Variants in CCDC85A observed in about 807,000 individuals in gnomAD.
CCDC85A encodes the protein coiled-coil domain containing 85A.
In CCDC85A, 38 loss-of-function variants were observed where a neutral mutation model predicts 50.2. The observed-to-expected ratio is 0.76, with a 90% CI of 0.58 to 0.99. CCDC85A has a LOEUF of 0.99. CCDC85A is among the 50% of genes least tolerant of loss of function. The pLI, the probability that CCDC85A is intolerant of heterozygous loss-of-function variation, is 0.00. For synonymous variants in CCDC85A, 366 were observed against 301.4 expected (o/e 1.21, Z -2.22); for missense variants, 820 against 742.0 (o/e 1.11, Z -1.22).
At chr2:56,280,784 C>T (rs1328306944) in intron 2 of CCDC85A, among the ~76,000 whole-genome samples, 2 of 152,180 alleles carry the variant, frequency 1.3e-5, no homozygotes. Flanking sequence ...TTCTCTCTCT[C>T]TCCCTCACAA....
At chr2:56,299,885 A>T (rs949071075) in intron 2 of CCDC85A, among the ~76,000 whole-genome samples, 2 of 152,120 alleles carry the variant, frequency 1.3e-5, no homozygotes, top group African/African-American at 4.8e-5. Context: ...CATGGGGCTG[A>T]AGAGTGAGTT....
At chr2:56,260,035 T>C (rs1329112973) in intron 2 of CCDC85A, among the ~76,000 whole-genome samples, 1 of 152,144 alleles carries the variant, frequency 6.6e-6, no homozygotes, top group African/African-American at 2.4e-5. Flanking sequence ...AAGGTACTCA[T>C]GGTAGTGAGT....
At chr2:56,373,380 A>T (rs1361320352) in intron 4 of CCDC85A, among the ~76,000 whole-genome samples, 1 of 129,694 alleles carries the variant, frequency 7.7e-6, no homozygotes, top group Non-Finnish European at 1.6e-5. Flanking sequence ...CTACTTTCAT[A>T]AAAAAAAAAA....
intron 2 of CCDC85A, among the ~76,000 whole-genome samples, chr2:56,281,031 A>G (rs1171705563): frequency 6.6e-6 from 1 of 152,184 alleles, no homozygotes; most frequent in Non-Finnish European, 1.5e-5. Flanking sequence ...CCACGTAACC[A>G]ATACTTAAAT....
intron 2 of CCDC85A, among the ~76,000 whole-genome samples, chr2:56,337,898 C>T (rs1163223896): frequency 1.3e-5 from 2 of 151,966 alleles, no homozygotes; most frequent in Non-Finnish European, 2.9e-5. Context: ...GATTCTCCTG[C>T]CTCAGCCTCC....
At position 56,184,303 on chromosome 2, in the gene CCDC85A, C is replaced by T; in HGVS notation, c.-322C>T. ...CAGGGGAACGGCGGTGCAGCTCCCC[C>T]GCTGTCCCCGAGGATTTCCCGCGGC... On this transcript the variant is annotated 5_prime_UTR_variant, in exon 1 of 6. Coordinates refer to ENST00000407595, the MANE Select transcript of CCDC85A (RefSeq NM_001080433.2). 1.6e-6 allele frequency: 1 copy of T among 642,712 alleles called. No homozygotes were observed. The highest frequency in any genetic ancestry group is 2.0e-6 in the Non-Finnish European group (1 of 490,246). 39.8% of individuals were successfully genotyped at this position (642,712 alleles called of 1,614,324 possible).
chr2:56,304,120 G>A (rs574259394), intron 2 of CCDC85A, among the ~76,000 whole-genome samples: 1 of 152,252 alleles, frequency 6.6e-6, no homozygotes, highest in African/African-American at 2.4e-5. Flanking sequence ...TATGAATGAG[G>A]CTGTTGTAAG....
In CCDC85A at chr2:56,344,972, G is replaced by C. The variant is rs564391304; in HGVS notation, c.1317+2017G>C. 4.6e-5 allele frequency among the ~76,000 whole-genome samples: 7 copies of C among 152,140 alleles called. No individual in the cohort carries two copies. The East Asian group carries it at 1.4e-3, about 29-fold the overall frequency. On this transcript the variant is annotated intron_variant, in intron 3 of 5. Transcript: ENST00000407595. ...CAACAAATGTGAAAATGATGACAAG[G>C]CTGATTCTTAAAAACCTGTGAAAGT...
intron 2 of CCDC85A, among the ~76,000 whole-genome samples, chr2:56,295,415 C>A (rs1323567738): frequency 6.6e-6 from 1 of 152,116 alleles, no homozygotes; most frequent in Admixed American, 6.6e-5. Context: ...CAGATTTTGC[C>A]TATGGCATAA....
chr2:56,296,942 T>C (rs1671977660), intron 2 of CCDC85A, among the ~76,000 whole-genome samples: 1 of 151,412 alleles, frequency 6.6e-6, no homozygotes, highest in South Asian at 2.1e-4. Flanking sequence ...AAATAAGACT[T>C]TTGAAAACAT....
At chr2:56,246,529 T>C (rs1669518062) in intron 2 of CCDC85A, among the ~76,000 whole-genome samples, 1 of 152,190 alleles carries the variant, frequency 6.6e-6, no homozygotes, top group South Asian at 2.1e-4. Flanking sequence ...TTGGTCCATT[T>C]TGAGTTAACT....
At chr2:56,289,055 C>T (rs1671582956) in intron 2 of CCDC85A, among the ~76,000 whole-genome samples, 1 of 152,146 alleles carries the variant, frequency 6.6e-6, no homozygotes, top group African/African-American at 2.4e-5. Context: ...GGAGTGCTGA[C>T]CCGGGTTCCA....
At chr2:56,295,496 A>G (rs1244365412) in intron 2 of CCDC85A, among the ~76,000 whole-genome samples, 2 of 152,308 alleles carry the variant, frequency 1.3e-5, no homozygotes, top group African/African-American at 4.8e-5. Context: ...CCGCATGGCT[A>G]GTGGAAAGAA....
chr2:56,343,463 T>C (rs1353992983), intron 3 of CCDC85A, among the ~76,000 whole-genome samples: 1 of 152,216 alleles, frequency 6.6e-6, no homozygotes, highest in African/African-American at 2.4e-5. Context: ...CAGTTTTTGC[T>C]TTGGGACTTC....
intron 3 of CCDC85A, among the ~76,000 whole-genome samples, chr2:56,358,309 G>A (rs1260116313): frequency 6.6e-6 from 1 of 152,174 alleles, no homozygotes; most frequent in Admixed American, 6.5e-5. Flanking sequence ...AGTTGGGAAG[G>A]TCTTGTCCTT....
chr2:56,353,439 A>G (rs934114278), intron 3 of CCDC85A, among the ~76,000 whole-genome samples: 5 of 152,264 alleles, frequency 3.3e-5, no homozygotes, highest in African/African-American at 9.6e-5. Flanking sequence ...CCAAAGAGCT[A>G]ACTCCTTCAT....
At chr2:56,255,741 G>T (rs1196467165) in intron 2 of CCDC85A, among the ~76,000 whole-genome samples, 1 of 152,052 alleles carries the variant, frequency 6.6e-6, no homozygotes. Context: ...TTAAAGTCAT[G>T]GGTTGGGGTT....
chr2:56,184,839 A>T lies in CCDC85A; in HGVS notation c.215A>T (p.Asn72Ile). 6.5e-7 allele frequency: 1 copy of T among 1,541,284 alleles called. No individual in the cohort carries two copies. Among genetic ancestry groups the T allele is most frequent in the Non-Finnish European group, 8.7e-7 (1 of 1,144,804 alleles). ...EKVSAMLDHS[N>I]LIREVNRRLQ... ...GTGAGCGCGATGCTGGACCACAGCA[A>T]CCTCATCCGCGAGGTGAACCGCCGC... The change falls in exon 1 of 6, where the codon AAC (asparagine) becomes ATC (isoleucine). Residue 72 changes from asparagine to isoleucine, a missense_variant. By Grantham distance (149) the Asn-to-Ile change is moderately radical. Coordinates refer to ENST00000407595, the MANE Select transcript of CCDC85A (RefSeq NM_001080433.2).
chr2:56,292,937 A>T (rs1339236684), intron 2 of CCDC85A, among the ~76,000 whole-genome samples: 1 of 152,190 alleles, frequency 6.6e-6, no homozygotes, highest in African/African-American at 2.4e-5. Flanking sequence ...AACCCAATTG[A>T]TAGTCAAGTT....
Sources: gnomAD v4.1 joint callset for allele counts (sites outside exome capture counted in the v4.1 genomes callset) on GRCh38, gnomAD v4.1.1 for gene constraint, MANE v1.5 for transcripts, NCBI Gene and HGNC (gene_info 2026-07-23, HGNC 2026-07-21) for gene names.